The following MTMR9 variants were observed in gnomAD, a reference collection of about 807,000 sequenced individuals.
MTMR9 encodes the protein myotubularin related protein 9.
MTMR9 carries 39 observed loss-of-function variants against 69.5 expected under a neutral mutation model. That is an observed-to-expected ratio of 0.56 (90% CI 0.43 to 0.73). The LOEUF (loss-of-function observed/expected upper bound fraction) is 0.73. MTMR9 is among the 30% of genes least tolerant of loss of function. The pLI is 0.00. For missense variants in MTMR9, 900 were observed against 671.2 expected (o/e 1.34, Z -3.77); for synonymous variants, 354 against 240.8 (o/e 1.47, Z -4.35).
chr8:11,316,846 T>A lies in MTMR9; in HGVS notation c.1287T>A (p.Ala429=). ...ENFLIMLFEH[A]YASQFGTFLG... is the part of the protein sequence containing the mutation. Reference sequence around the variant, plus strand: ...TCCTCATCATGCTCTTTGAGCATGCTTATGCCTCACAGTTTGGAACATTTC... The same window carrying A: ...TCCTCATCATGCTCTTTGAGCATGCATATGCCTCACAGTTTGGAACATTTC... Residue 429 remains alanine (A), a synonymous_variant, in exon 8 of 10, where the codon GCT becomes GCA. Coordinates refer to ENST00000221086, the MANE Select transcript of MTMR9 (RefSeq NM_015458.4). 6.2e-7 allele frequency: 1 copy of A among 1,612,988 alleles called. No homozygotes were observed. Among genetic ancestry groups the A allele is most frequent in the Non-Finnish European group, 8.5e-7 (1 of 1,179,440 alleles).
At position 11,295,297 on chromosome 8, in the gene MTMR9, A is replaced by AT; in HGVS notation, c.288dup (p.Glu97Ter). ...GGAATGCTTGAATATAGCCAGTTCCATTGAGGTAAGTATTTTGGAAGCAAA... is the reference window on the plus strand; with the variant it reads ...GGAATGCTTGAATATAGCCAGTTCCATTTGAGGTAAGTATTTTGGAAGCAAA... On this transcript the variant is annotated frameshift_variant, in exon 2 of 10. Coordinates refer to ENST00000221086, the MANE Select transcript of MTMR9 (RefSeq NM_015458.4). LOFTEE classifies it high-confidence loss of function. The AT allele has an allele frequency of 6.4e-7, 1 of 1,569,226 alleles. No homozygotes were observed. Among genetic ancestry groups the AT allele is most frequent in the Non-Finnish European group, 8.8e-7 (1 of 1,141,864 alleles).
chr8:11,308,189 T>C (rs954682219), intron 5 of MTMR9, among the ~76,000 whole-genome samples: 7 of 152,228 alleles, frequency 4.6e-5, no homozygotes, highest in Non-Finnish European at 2.9e-5. Context: ...TATGTTTAAG[T>C]CTTTAATCTA....
rs76891768 is a variant in MTMR9, at chr8:11,314,392, C to G, written c.972-531C>G. 2.9e-3 allele frequency among the ~76,000 whole-genome samples: 448 copies of G among 151,884 alleles called. 2 individuals carry two copies. Among genetic ancestry groups the G allele is most frequent in the African/African-American group, 0.01 (429 of 41,452 alleles). On this transcript the variant is annotated intron_variant, in intron 6 of 9. Transcript: ENST00000221086. ...TGACACTTTTATGTTTGTTTTTTTT[C>G]CTGTTGTCGTGTTTCTCAAAGTGTG...
intron 1 of MTMR9, among the ~76,000 whole-genome samples, chr8:11,288,041 A>G (rs1288908847): frequency 7.9e-6 from 1 of 125,856 alleles, no homozygotes; most frequent in Admixed American, 9.6e-5. Flanking sequence ...AATATATATT[A>G]TATAATACGT....
intron 1 of MTMR9, 118 bp from the exon 2 acceptor site, chr8:11,295,076 A>C (rs1160573013): frequency 1.8e-6 from 1 of 569,832 alleles, no homozygotes; most frequent in African/African-American, 1.9e-5. Flanking sequence ...AATTAGACTG[A>C]GGAGAAGAAA....
downstream of MTMR9, among the ~76,000 whole-genome samples, chr8:11,330,029 A>AC (rs1401059984): frequency 8.2e-6 from 1 of 121,496 alleles, no homozygotes; most frequent in African/African-American, 3.2e-5. Context: ...AGTGAGGAGC[A>AC]CCCCGCCCGG....
chr8:11,298,228 A>G (rs993145617), intron 2 of MTMR9, among the ~76,000 whole-genome samples: 3 of 152,156 alleles, frequency 2.0e-5, no homozygotes, highest in Non-Finnish European at 4.4e-5. Context: ...ATGAAATATG[A>G]GTGCTTATTG....
At chr8:11,339,161 T>A in the MTMR9 span, among the ~76,000 whole-genome samples, 1 of 152,186 alleles carries the variant, frequency 6.6e-6, no homozygotes, top group Non-Finnish European at 1.5e-5. Context: ...CCCCTGCAAA[T>A]CCAGTTAGGT....
intron 8 of MTMR9, 190 bp from the exon 9 acceptor site, chr8:11,319,497 G>T (rs1395538330): frequency 3.4e-6 from 2 of 590,582 alleles, no homozygotes; most frequent in African/African-American, 1.9e-5. Context: ...TTGTTTTGTT[G>T]TTGTTGAGAG....
intron 5 of MTMR9, among the ~76,000 whole-genome samples, chr8:11,309,203 A>C (rs1284943063): frequency 6.6e-6 from 1 of 151,930 alleles, no homozygotes; most frequent in African/African-American, 2.4e-5. Context: ...CAGGATTGCA[A>C]ATGTAAGTGG....
At chr8:11,319,863 T>C (rs2293854) in intron 9 of MTMR9, 25 bp downstream of exon 9, 85,233 of 1,612,386 alleles carry the variant, frequency 0.053, 5,028 homozygotes, top group Admixed American at 0.29. Context: ...CTTTGCAAAC[T>C]TCTTAACGGT....
intron 2 of MTMR9, among the ~76,000 whole-genome samples, chr8:11,295,709 A>G (rs867904138): frequency 3.9e-5 from 6 of 152,266 alleles, no homozygotes; most frequent in Non-Finnish European, 7.3e-5. Flanking sequence ...TATGTTCACT[A>G]TACAAAGCTC....
rs149542042 is a variant in MTMR9, at chr8:11,317,188, T to G, written c.1334+295T>G. On this transcript the variant is annotated intron_variant, in intron 8 of 9. Coordinates refer to ENST00000221086, the MANE Select transcript of MTMR9 (RefSeq NM_015458.4). ...AGTATCTTACATGTGGAAAAAGCCT[T>G]AATTTATAATTCAGGTCTTCCCTCT... 1,730 of 186,418 alleles carry G rather than the reference T, an allele frequency of 9.3e-3. 29 individuals are homozygous for G. The highest frequency in any genetic ancestry group is 0.038 in the African/African-American group (1,635 of 42,884). 11.5% of individuals were successfully genotyped at this position (186,418 alleles called of 1,614,324 possible). A position where few individuals can be genotyped will look rare whatever the true frequency, so the allele number is the denominator to read the frequency against.
the MTMR9 span, among the ~76,000 whole-genome samples, chr8:11,334,816 C>G: frequency 6.6e-6 from 1 of 152,108 alleles, no homozygotes; most frequent in Non-Finnish European, 1.5e-5. Flanking sequence ...TAATCCATAA[C>G]ATCAACAGAC....
intron 5 of MTMR9, among the ~76,000 whole-genome samples, chr8:11,306,783 A>G (rs1478649274): frequency 1.3e-5 from 2 of 152,224 alleles, no homozygotes; most frequent in Non-Finnish European, 2.9e-5. Flanking sequence ...GCTGTACAAT[A>G]GACCTACAGA....
chr8:11,313,775 A>C (rs1410407774), intron 6 of MTMR9, among the ~76,000 whole-genome samples: 1 of 152,206 alleles, frequency 6.6e-6, no homozygotes, highest in Non-Finnish European at 1.5e-5. Context: ...CAAAACTTGT[A>C]GAAGTAACAT....
chr8:11,318,747 T>C (rs1465815248), intron 8 of MTMR9: 2 of 152,256 alleles, frequency 1.3e-5, no homozygotes, highest in African/African-American at 4.8e-5. Flanking sequence ...ATAGATTAAA[T>C]ATGTATTTAT....
At chr8:11,332,029 C>T (rs560493610), downstream of MTMR9, 5 of 1,611,758 alleles carry the variant, frequency 3.1e-6, no homozygotes, top group Non-Finnish European at 4.2e-6. Flanking sequence ...GTGGCACTTT[C>T]TGACATCATG....
chr8:11,331,707 C>T, downstream of MTMR9: 1 of 1,612,018 alleles, frequency 6.2e-7, no homozygotes, highest in Non-Finnish European at 8.5e-7. Flanking sequence ...CCTGGGAGGC[C>T]TGGCGCTGTC....
Sources: gnomAD v4.1 joint callset for allele counts (sites outside exome capture counted in the v4.1 genomes callset) on GRCh38, gnomAD v4.1.1 for gene constraint, MANE v1.5 for transcripts, NCBI Gene and HGNC (gene_info 2026-07-23, HGNC 2026-07-21) for gene names.